The following DTYMK variants were observed in gnomAD, a reference collection of about 807,000 sequenced individuals.
DTYMK encodes the protein thymidylate kinase.
DTYMK carries 20 observed loss-of-function variants against 20.3 expected under a neutral mutation model. The observed-to-expected ratio is 0.99, with a 90% CI of 0.69 to 1.43. The LOEUF is 1.43. Among genes scored for constraint, DTYMK ranks in the 40% most tolerant of loss-of-function variants. The pLI is 0.00. For synonymous variants in DTYMK, 148 were observed against 124.4 expected, an observed-to-expected ratio of 1.19 and a Z score of -1.27; for missense variants, 320 against 291.1, an observed-to-expected ratio of 1.10 and a Z score of -0.72.
chr2:241,680,027 A>G (rs1259106639), intron 3 of DTYMK, among the ~76,000 whole-genome samples: 2 of 151,808 alleles, frequency 1.3e-5, no homozygotes, highest in Non-Finnish European at 2.9e-5. Flanking sequence ...CTATGGTTCT[A>G]TCTGTGAAAC....
chr2:241,678,893 C>T (rs111961923), intron 3 of DTYMK, among the ~76,000 whole-genome samples: 7,296 of 152,246 alleles, frequency 0.048, 528 homozygotes, highest in African/African-American at 0.16. Flanking sequence ...TGCCAGTCCC[C>T]GCCACCCACA....
In DTYMK at chr2:241,686,805, G is replaced by A. The variant is rs777297560; in HGVS notation, c.-22C>T. 1 of 1,442,702 alleles carries A rather than the reference G, an allele frequency of 6.9e-7. No individual in the cohort carries two copies. Among genetic ancestry groups the A allele is most frequent in the Non-Finnish European group, 9.0e-7 (1 of 1,109,258 alleles). 89.4% of individuals were successfully genotyped at this position (1,442,702 alleles called of 1,614,324 possible). ...CCATGACTGTCCACCGCCCGCCGCT[G>A]GCGTCTCCACGCAGCCTTCCGGAGC... On this transcript the variant is annotated 5_prime_UTR_variant, in exon 1 of 5. Coordinates refer to ENST00000305784, the MANE Select transcript of DTYMK (RefSeq NM_012145.4).
intron 3 of DTYMK, among the ~76,000 whole-genome samples, 160 bp from the exon 4 acceptor site, chr2:241,678,809 G>A (rs4675903): frequency 1.3e-5 from 2 of 152,016 alleles, no homozygotes; most frequent in South Asian, 4.1e-4. Flanking sequence ...CAAACGTGTC[G>A]GTTTCTCCAG....
Position 241,686,784 on chromosome 2 carries a change from G to A in DTYMK, c.-1C>T, listed in dbSNP as rs1362558869. ...TGAGAGCCCCGCGCCGGGCCGCCAT[G>A]ACTGTCCACCGCCCGCCGCTGGCGT... On this transcript the variant is annotated 5_prime_UTR_variant, in exon 1 of 5. Transcript: ENST00000305784. 2 of 1,458,438 alleles carry A rather than the reference G, an allele frequency of 1.4e-6. No homozygotes were observed. Among genetic ancestry groups the A allele is most frequent in the East Asian group, 2.7e-5 (1 of 36,694 alleles). The allele number at this position is 1,458,438 out of a possible 1,614,324, so 90.3% of individuals were successfully genotyped here. A position where few individuals can be genotyped will look rare whatever the true frequency, so the allele number is the denominator to read the frequency against.
intron 3 of DTYMK, among the ~76,000 whole-genome samples, chr2:241,680,011 T>A: frequency 6.8e-6 from 1 of 147,016 alleles, no homozygotes; most frequent in African/African-American, 2.5e-5. Context: ...ATAATCCAAA[T>A]ACCAACTATG....
At chr2:241,679,034 C>G (rs969485138) in intron 3 of DTYMK, among the ~76,000 whole-genome samples, 1 of 152,198 alleles carries the variant, frequency 6.6e-6, no homozygotes, top group Non-Finnish European at 1.5e-5. Context: ...GGTCCGGACA[C>G]AGGCACGAGG....
intron 2 of DTYMK, chr2:241,682,657 C>T (rs1311751331): frequency 5.6e-6 from 1 of 179,314 alleles, no homozygotes; most frequent in African/African-American, 2.4e-5. Flanking sequence ...CATGGTGGCT[C>T]GTGCCTGTAA....
At chr2:241,676,454 CCT>C (rs1334805804) in intron 4 of DTYMK, among the ~76,000 whole-genome samples, 37 of 152,272 alleles carry the variant, frequency 2.4e-4, no homozygotes, top group African/African-American at 7.7e-4. Context: ...ACAGTAACAC[CCT>C]GTTTCAAAAC....
Position 241,686,334 on chromosome 2 carries a change from C to T in DTYMK, c.130+320G>A, listed in dbSNP as rs375642300. Among the ~76,000 whole-genome samples the T allele has an allele frequency of 3.9e-3, 594 of 152,324 alleles. 3 individuals carry two copies. The highest frequency in any genetic ancestry group is 0.013 in the African/African-American group (555 of 41,570). On this transcript the variant is annotated intron_variant, in intron 1 of 4. Transcript: ENST00000305784. ...TTGGGGGAGACACCACGGTTTCGCG[C>T]GGGTTTACACGTCAGTCATCACCAT... is the stretch of plus-strand genomic sequence containing the variant.
chr2:241,684,766 C>CA (rs770675924), intron 2 of DTYMK: 4 of 453,058 alleles, frequency 8.8e-6, no homozygotes, highest in Admixed American at 8.0e-5. Flanking sequence ...TGATGTAAAA[C>CA]AAAAAAAGGT....
chr2:241,676,574 C>T (rs2069122138), intron 4 of DTYMK, among the ~76,000 whole-genome samples: 1 of 152,366 alleles, frequency 6.6e-6, no homozygotes, highest in South Asian at 2.1e-4. Context: ...TCCGGGATAC[C>T]CCACACCTTT....
intron 2 of DTYMK, among the ~76,000 whole-genome samples, chr2:241,680,576 G>T (rs996278423): frequency 6.6e-6 from 1 of 152,134 alleles, no homozygotes; most frequent in African/African-American, 2.4e-5. Context: ...GGGAGGCTGA[G>T]GCAGGAGAAT....
intron 2 of DTYMK, among the ~76,000 whole-genome samples, chr2:241,681,652 G>A (rs1430702961): frequency 1.3e-5 from 2 of 152,240 alleles, no homozygotes; most frequent in Non-Finnish European, 2.9e-5. Context: ...AGACTGTTTA[G>A]ATACAAAACC....
chr2:241,679,972 A>G (rs76528827), intron 3 of DTYMK, among the ~76,000 whole-genome samples: 1 of 48,344 alleles, frequency 2.1e-5, no homozygotes, highest in African/African-American at 4.7e-5. Flanking sequence ...CTGTCTCCCC[A>G]AAAAAAAAAA....
At chr2:241,683,847 CAGG>C (rs2069318325) in intron 2 of DTYMK, among the ~76,000 whole-genome samples, 1 of 152,158 alleles carries the variant, frequency 6.6e-6, no homozygotes, top group African/African-American at 2.4e-5. Context: ...CACTTGAGGT[CAGG>C]AGTTCAAGAC....
At chr2:241,680,065 T>C (rs1448980025) in intron 3 of DTYMK, among the ~76,000 whole-genome samples, 164 bp downstream of exon 3, 1 of 151,916 alleles carries the variant, frequency 6.6e-6, no homozygotes, top group Non-Finnish European at 1.5e-5. Flanking sequence ...ATGTTTGCTC[T>C]TCTTATTGAT....
chr2:241,677,526 C>T (rs879811851), intron 4 of DTYMK, among the ~76,000 whole-genome samples: 4 of 152,272 alleles, frequency 2.6e-5, no homozygotes, highest in Non-Finnish European at 2.9e-5. Flanking sequence ...CTCCGCGGGC[C>T]GTGGCCACAA....
At chr2:241,676,901 C>T (rs1575101672) in intron 4 of DTYMK, among the ~76,000 whole-genome samples, 1 of 152,246 alleles carries the variant, frequency 6.6e-6, no homozygotes, top group Non-Finnish European at 1.5e-5. Context: ...GAGGAAGTTC[C>T]GCAGCAGAAG....
rs552806989 is a variant in DTYMK, at chr2:241,684,435, T to G, written c.239+1334A>C. ...GCTAAGCCGGAGGAGAGTAATGCAGTGTTTCATGTAACACGGATGATGAGG... is the reference window on the plus strand; with the variant it reads ...GCTAAGCCGGAGGAGAGTAATGCAGGGTTTCATGTAACACGGATGATGAGG... On this transcript the variant is annotated intron_variant, in intron 2 of 4. Transcript: ENST00000305784. 2.6e-5 allele frequency among the ~76,000 whole-genome samples: 4 copies of G among 152,316 alleles called. No individual in the cohort carries two copies. The South Asian group carries it at 8.3e-4, about 32-fold the overall frequency.
Sources: gnomAD v4.1 joint callset for allele counts (sites outside exome capture counted in the v4.1 genomes callset) on GRCh38, gnomAD v4.1.1 for gene constraint, MANE v1.5 for transcripts, NCBI Gene and HGNC (gene_info 2026-07-23, HGNC 2026-07-21) for gene names.